The following LRRC70 variants were observed in gnomAD, a reference collection of about 807,000 sequenced individuals.
The protein encoded by LRRC70 is leucine-rich repeat-containing protein 70.
A neutral mutation model predicts 42.4 loss-of-function variants in LRRC70; 31 were observed. The ratio of observed to expected loss-of-function variants is 0.73; its 90% confidence interval spans 0.55 to 0.99. The LOEUF is 0.99. LRRC70 is among the 50% of genes least tolerant of loss of function. The pLI is 0.00. For synonymous variants in LRRC70, 270 were observed against 262.9 expected (o/e 1.03, Z -0.26); for missense variants, 643 against 707.5 (o/e 0.91, Z 1.03).
Position 62,580,810 on chromosome 5 carries a change from A to G in LRRC70, c.1372A>G (p.Ile458Val), listed in dbSNP as rs1278776050. Reference protein sequence around the residue: ...ETENITFWERIPTSPAGRFFQ... With the variant: ...ETENITFWERVPTSPAGRFFQ... ...TGAGAACATTACTTTCTGGGAACGA[A>G]TTCCTACTTCACCTGCTGGTAGATT... is the stretch of plus-strand genomic sequence containing the variant. Residue 458 changes from isoleucine to valine, a missense_variant, in exon 2 of 2, where the codon ATT becomes GTT. Physicochemically the swap from Ile to Val is conservative, Grantham distance 29. Coordinates refer to ENST00000334994, the MANE Select transcript of LRRC70 (RefSeq NM_181506.5). The G allele has an allele frequency of 4.5e-6, 7 of 1,551,290 alleles. No individual in the cohort carries two copies. Among genetic ancestry groups the G allele is most frequent in the Non-Finnish European group, 6.1e-6 (7 of 1,146,882 alleles).
chr5:62,581,156 A>G lies in LRRC70; in HGVS notation c.1718A>G (p.Tyr573Cys), dbSNP rs930242251. 4 of 1,550,970 alleles carry G rather than the reference A, an allele frequency of 2.6e-6. No homozygotes were observed. The African/African-American group carries it at 4.1e-5, about 16-fold the overall frequency. Residue 573 changes from tyrosine to cysteine, a missense_variant, in exon 2 of 2, where the codon TAT becomes TGT. Coordinates refer to ENST00000334994, the MANE Select transcript of LRRC70 (RefSeq NM_181506.5). ...RENRLEYYSFYQSARYNVTAS... is the reference protein window; with the variant it reads ...RENRLEYYSFCQSARYNVTAS... ...AATAGACTTGAATACTACAGCTTTTATCAGTCAGCAAGGTATAATGTAACT... is the reference window on the plus strand; with the variant it reads ...AATAGACTTGAATACTACAGCTTTTGTCAGTCAGCAAGGTATAATGTAACT...
Position 62,579,777 on chromosome 5 carries a change from A to G in LRRC70, c.339A>G (p.Leu113=), listed in dbSNP as rs975719838. Residue 113 remains leucine, a synonymous_variant, in exon 2 of 2, where the codon CTA becomes CTG. Coordinates refer to ENST00000334994, the MANE Select transcript of LRRC70 (RefSeq NM_181506.5). ...TTCAATTGAGGCATCTATATTTTCT[A>G]TTTCTAAATAATAATTTCATCAAAC... is the stretch of plus-strand genomic sequence containing the variant. ...AFVQLRHLYF[L]FLNNNFIKRL... is the part of the protein sequence containing the mutation. 3.9e-6 allele frequency: 6 copies of G among 1,542,536 alleles called. No homozygotes were observed. The highest frequency in any genetic ancestry group is 1.7e-4 in the Middle Eastern group (1 of 5,912).
chr5:62,579,335 GTAT>G, intron 1 of LRRC70, 63 bp from the exon 2 acceptor site: 1 of 992,112 alleles, frequency 1.0e-6, no homozygotes, highest in African/African-American at 1.6e-5. Context: ...AGAAGTTATA[GTAT>G]TATAAAAAAA....
rs1337964940 is a variant in LRRC70 at position 62,579,791 on chromosome 5, A to G, written c.353A>G (p.Asn118Ser). ...CTATATTTTCTATTTCTAAATAATA[A>G]TTTCATCAAACGCTTAGATCCTGGA... Reference protein sequence around the residue: ...RHLYFLFLNNNFIKRLDPGIF... With the variant: ...RHLYFLFLNNSFIKRLDPGIF... The change falls in exon 2 of 2, where the codon AAT becomes AGT. Residue 118 changes from asparagine to serine, a missense_variant. By Grantham distance (46) the Asn-to-Ser change is conservative. Coordinates refer to ENST00000334994, the MANE Select transcript of LRRC70 (RefSeq NM_181506.5). 1.9e-6 allele frequency: 3 copies of G among 1,543,642 alleles called. No homozygotes were observed. Among genetic ancestry groups the G allele is most frequent in the Admixed American group, 2.0e-5 (1 of 50,420 alleles).
Position 62,580,125 on chromosome 5 carries a change from T to G in LRRC70, c.687T>G (p.Ser229Arg). Reference sequence around the variant, plus strand: ...CAAATGCCTTTGAAGTACTTAAAAGTCTTAGAAGACTTTCTTTGTCTCATA... The same window carrying G: ...CAAATGCCTTTGAAGTACTTAAAAGGCTTAGAAGACTTTCTTTGTCTCATA... ...VPSNAFEVLK[S>R]LRRLSLSHNP... The change falls in exon 2 of 2, where the codon AGT (serine) becomes AGG (arginine). Residue 229 changes from serine to arginine, a missense_variant. Ser to Arg is a moderately radical substitution (Grantham distance 110, BLOSUM62 -1). Transcript: ENST00000334994. 1 of 1,551,070 alleles carries G rather than the reference T, an allele frequency of 6.4e-7. No individual in the cohort carries two copies. The highest frequency in any genetic ancestry group is 8.7e-7 in the Non-Finnish European group (1 of 1,146,566).
Position 62,580,595 on chromosome 5 carries a change from A to G in LRRC70, c.1157A>G (p.Gln386Arg), listed in dbSNP as rs1429650442. 4 of 1,551,372 alleles carry G rather than the reference A, an allele frequency of 2.6e-6. No individual in the cohort carries two copies. The highest frequency in any genetic ancestry group is 2.0e-5 in the Admixed American group (1 of 50,964). Residue 386 changes from glutamine to arginine, a missense_variant, in exon 2 of 2, where the codon CAG (glutamine) becomes CGG (arginine). Coordinates refer to ENST00000334994, the MANE Select transcript of LRRC70 (RefSeq NM_181506.5). ...GCCATTACTCTAAACATCTATTGTC[A>G]GAATCCCCCATCCATGCGTGGCAGA... is the stretch of plus-strand genomic sequence containing the variant. ...SSAITLNIYCQNPPSMRGRAL... is the reference protein window; with the variant it reads ...SSAITLNIYCRNPPSMRGRAL...
At position 62,580,012 on chromosome 5, in the gene LRRC70, A is replaced by C; in HGVS notation, c.574A>C (p.Ile192Leu). The part of the protein sequence containing the change: ...LRILDLSNNN[I>L]LRISESGFQH... Reference sequence around the variant, plus strand: ...GATACTTGATTTATCAAACAATAACATTTTGAGGATATCAGAATCAGGCTT... The same window carrying C: ...GATACTTGATTTATCAAACAATAACCTTTTGAGGATATCAGAATCAGGCTT... The change falls in exon 2 of 2, where the codon ATT (isoleucine) becomes CTT (leucine). Residue 192 changes from isoleucine (I) to leucine (L), a missense_variant. Transcript: ENST00000334994. 1 of 1,551,232 alleles carries C rather than the reference A, an allele frequency of 6.4e-7. No homozygotes were observed. Among genetic ancestry groups the C allele is most frequent in the Non-Finnish European group, 8.7e-7 (1 of 1,146,752 alleles).
Position 62,580,981 on chromosome 5 carries a change from C to CT in LRRC70, c.1544dup (p.Ile516AsnfsTer7). 19 of 1,551,144 alleles carry CT rather than the reference C, an allele frequency of 1.2e-5. No homozygotes were observed. Among genetic ancestry groups the CT allele is most frequent in the Non-Finnish European group, 1.7e-5 (19 of 1,146,792 alleles). ...TGCTTCAATGTCAGGGAAAACATCT[C>CT]TAATTTGTACACAAGAAGTTGAGAA... On this transcript the variant is annotated frameshift_variant, in exon 2 of 2. Coordinates refer to ENST00000334994, the MANE Select transcript of LRRC70 (RefSeq NM_181506.5). LOFTEE classifies it high-confidence loss of function.
In LRRC70 at chr5:62,579,513, C is replaced by G; in HGVS notation, c.75C>G (p.Leu25=). 1 of 1,550,962 alleles carries G rather than the reference C, an allele frequency of 6.4e-7. No homozygotes were observed. Among genetic ancestry groups the G allele is most frequent in the Non-Finnish European group, 8.7e-7 (1 of 1,146,530 alleles). The change falls in exon 2 of 2, where the codon CTC becomes CTG. Residue 25 remains leucine, a synonymous_variant. Transcript: ENST00000334994. ...LVVTCYLLLL[L]HKEILGCSSV... Reference sequence around the variant, plus strand: ...TTACCTGTTATCTTTTATTATTACTCCACAAAGAAATACTTGGATGTTCGT... The same window carrying G: ...TTACCTGTTATCTTTTATTATTACTGCACAAAGAAATACTTGGATGTTCGT...
At position 62,580,673 on chromosome 5, in the gene LRRC70, C is replaced by A. The variant is rs1323777970; in HGVS notation, c.1235C>A (p.Ser412Tyr). ...TNCVTSSINV[S>Y]RAWAVVKSPH... is the part of the protein sequence containing the mutation. ...TGTGTTACATCTTCAATAAATGTAT[C>A]CAGAGCTTGGGCTGTTGTAAAATCT... Residue 412 changes from serine to tyrosine, a missense_variant, in exon 2 of 2, where the codon TCC becomes TAC. Coordinates refer to ENST00000334994, the MANE Select transcript of LRRC70 (RefSeq NM_181506.5). 5 of 1,551,448 alleles carry A rather than the reference C, an allele frequency of 3.2e-6. No individual in the cohort carries two copies. Among genetic ancestry groups the A allele is most frequent in the Non-Finnish European group, 4.4e-6 (5 of 1,146,838 alleles).
At position 62,581,101 on chromosome 5, in the gene LRRC70, A is replaced by G. The variant is rs975532080; in HGVS notation, c.1663A>G (p.Lys555Glu). The G allele has an allele frequency of 3.2e-6, 5 of 1,549,164 alleles. No homozygotes were observed. The highest frequency in any genetic ancestry group is 4.4e-6 in the Non-Finnish European group (5 of 1,146,300). The change falls in exon 2 of 2, where the codon AAA becomes GAA. Residue 555 changes from lysine to glutamate, a missense_variant. By Grantham distance (56) the Lys-to-Glu change is moderately conservative. Coordinates refer to ENST00000334994, the MANE Select transcript of LRRC70 (RefSeq NM_181506.5). ...CTACAAAGTTGTTCAGTTTAAACAA[A>G]AACTAAAGGCATCAGAAAACTCAAG... ...LIYKVVQFKQ[K>E]LKASENSREN...
Position 62,580,631 on chromosome 5 carries a change from A to G in LRRC70, c.1193A>G (p.Tyr398Cys), listed in dbSNP as rs1034541101. ...PPSMRGRALR[Y>C]INITNCVTSS... Reference sequence around the variant, plus strand: ...TCCATGCGTGGCAGAGCATTACGTTATATTAACATTACAAATTGTGTTACA... The same window carrying G: ...TCCATGCGTGGCAGAGCATTACGTTGTATTAACATTACAAATTGTGTTACA... Residue 398 changes from tyrosine (Y) to cysteine (C), a missense_variant, in exon 2 of 2, where the codon TAT becomes TGT. Tyr to Cys is a radical substitution (Grantham distance 194). Coordinates refer to ENST00000334994, the MANE Select transcript of LRRC70 (RefSeq NM_181506.5). The G allele has an allele frequency of 5.2e-6, 8 of 1,551,366 alleles. No homozygotes were observed. The highest frequency in any genetic ancestry group is 1.7e-4 in the Middle Eastern group (1 of 6,014).
At position 62,580,461 on chromosome 5, in the gene LRRC70, T is replaced by A; in HGVS notation, c.1023T>A (p.His341Gln). 6.4e-7 allele frequency: 1 copy of A among 1,551,446 alleles called. No individual in the cohort carries two copies. ...CATTTAATAATCTTACAGCCTTGCATCCAAGGGTCCTTAAGCCGTTGTCTT... is the reference window on the plus strand; with the variant it reads ...CATTTAATAATCTTACAGCCTTGCAACCAAGGGTCCTTAAGCCGTTGTCTT... ...NLSFNNLTAL[H>Q]PRVLKPLSSL... The change falls in exon 2 of 2, where the codon CAT becomes CAA. Residue 341 changes from histidine to glutamine, a missense_variant. By Grantham distance (24) the His-to-Gln change is conservative. Transcript: ENST00000334994.
Position 62,579,633 on chromosome 5 carries a change from G to C in LRRC70, c.195G>C (p.Leu65=). 6.5e-7 allele frequency: 1 copy of C among 1,549,902 alleles called. No homozygotes were observed. The highest frequency in any genetic ancestry group is 8.7e-7 in the Non-Finnish European group (1 of 1,146,064). ...PKNFPESTVF[L]YLTGNNISYI... is the part of the protein sequence containing the mutation. ...ATTTTCCTGAAAGTACAGTTTTTCT[G>C]TATCTGACTGGGAATAATATATCTT... The change falls in exon 2 of 2, where the codon CTG becomes CTC. Residue 65 remains leucine, a synonymous_variant. Transcript: ENST00000334994.
At chr5:62,579,221 C>T (rs943923994) in intron 1 of LRRC70, among the ~76,000 whole-genome samples, 180 bp from the exon 2 acceptor site, 2 of 152,022 alleles carry the variant, frequency 1.3e-5, no homozygotes, top group East Asian at 3.9e-4. Context: ...ATGGCCTGAT[C>T]ATGTTAATAA....
In LRRC70 at chr5:62,580,003, A is replaced by G; in HGVS notation, c.565A>G (p.Asn189Asp). 6.4e-7 allele frequency: 1 copy of G among 1,551,296 alleles called. No individual in the cohort carries two copies. The highest frequency in any genetic ancestry group is 8.7e-7 in the Non-Finnish European group (1 of 1,146,748). ...TGCTCTTCGGATACTTGATTTATCAAACAATAACATTTTGAGGATATCAGA... is the reference window on the plus strand; with the variant it reads ...TGCTCTTCGGATACTTGATTTATCAGACAATAACATTTTGAGGATATCAGA... ...MVALRILDLSNNNILRISESG... is the reference protein window; with the variant it reads ...MVALRILDLSDNNILRISESG... Residue 189 changes from asparagine to aspartate, a missense_variant, in exon 2 of 2, where the codon AAC becomes GAC. Transcript: ENST00000334994.
chr5:62,581,260 C>G lies in LRRC70; in HGVS notation c.1822C>G (p.Pro608Ala), dbSNP rs1744549590. The G allele has an allele frequency of 6.5e-7, 1 of 1,537,756 alleles. No individual in the cohort carries two copies. The highest frequency in any genetic ancestry group is 2.1e-5 in the Admixed American group (1 of 47,226). Residue 608 changes from proline (P) to alanine (A), a missense_variant, in exon 2 of 2, where the codon CCT (proline) becomes GCT (alanine). Coordinates refer to ENST00000334994, the MANE Select transcript of LRRC70 (RefSeq NM_181506.5). ...EQIRLHKQIV[P>A]ENEAQVILFE... Reference sequence around the variant, plus strand: ...GATTCGACTTCATAAACAAATTGTTCCTGAAAATGAGGCACAGGTCATTCT... The same window carrying G: ...GATTCGACTTCATAAACAAATTGTTGCTGAAAATGAGGCACAGGTCATTCT...
At position 62,580,744 on chromosome 5, in the gene LRRC70, A is replaced by G. The variant is rs1580348562; in HGVS notation, c.1306A>G (p.Lys436Glu). The G allele has an allele frequency of 1.3e-6, 2 of 1,551,494 alleles. No individual in the cohort carries two copies. The highest frequency in any genetic ancestry group is 8.7e-7 in the Non-Finnish European group (1 of 1,146,858). ...KTTALMMAWHKVTTNGSPLEN... is the reference protein window; with the variant it reads ...KTTALMMAWHEVTTNGSPLEN... ...TACTGCGCTAATGATGGCCTGGCAT[A>G]AAGTAACCACAAATGGCAGTCCTCT... is the stretch of plus-strand genomic sequence containing the variant. The change falls in exon 2 of 2, where the codon AAA becomes GAA. Residue 436 changes from lysine (K) to glutamate (E), a missense_variant. Physicochemically the swap from Lys to Glu is moderately conservative, Grantham distance 56. Coordinates refer to ENST00000334994, the MANE Select transcript of LRRC70 (RefSeq NM_181506.5).
At position 62,581,049 on chromosome 5, in the gene LRRC70, A is replaced by G; in HGVS notation, c.1611A>G (p.Leu537=). The G allele has an allele frequency of 6.4e-7, 1 of 1,550,604 alleles. No individual in the cohort carries two copies. The highest frequency in any genetic ancestry group is 1.4e-5 in the African/African-American group (1 of 73,056). Residue 537 remains leucine (L), a synonymous_variant, in exon 2 of 2, where the codon TTA becomes TTG. Coordinates refer to ENST00000334994, the MANE Select transcript of LRRC70 (RefSeq NM_181506.5). The part of the protein sequence containing the change: ...AFDILLAFFI[L]ACVLIIFLIY... ...ACATTTTGCTAGCTTTTTTCATCTT[A>G]GCTTGTGTTTTAATCATTTTTTTGA... is the stretch of plus-strand genomic sequence containing the variant.
Sources: gnomAD v4.1 joint callset for allele counts (sites outside exome capture counted in the v4.1 genomes callset) on GRCh38, gnomAD v4.1.1 for gene constraint, MANE v1.5 for transcripts, NCBI Gene and HGNC (gene_info 2026-07-23, HGNC 2026-07-21) for gene names.